ZNF486: variants seen among roughly 807,000 people sequenced by gnomAD.
ZNF486 encodes KRAB box only protein 2.
Under a neutral mutation model 12.8 loss-of-function variants are expected in ZNF486, and 12 were observed. The ratio of observed to expected loss-of-function variants is 0.94; its 90% CI spans 0.60 to 1.52. The LOEUF (loss-of-function observed/expected upper bound fraction) is 1.52. Ranked by LOEUF, ZNF486 falls within the 40% of genes most tolerant of loss-of-function variation. ZNF486 has a pLI of 0.00. For synonymous variants in ZNF486, 231 were observed against 184.9 expected (o/e 1.25, Z -2.02); for missense variants, 738 against 545.0 (o/e 1.35, Z -3.53).
chr19:20,167,963 T>C (rs1353351018), intron 1 of ZNF486, among the ~76,000 whole-genome samples: 1 of 152,194 alleles, frequency 6.6e-6, no homozygotes, highest in African/African-American at 2.4e-5. Context: ...TTTATCCTAT[T>C]TGGAAAAAGT....
intron 2 of ZNF486, among the ~76,000 whole-genome samples, chr19:20,185,530 C>A (rs1478893280): frequency 6.7e-6 from 1 of 149,942 alleles, no homozygotes; most frequent in Admixed American, 6.7e-5. Context: ...CCTGTCTGAG[C>A]CTCCTGAGTA....
intron 1 of ZNF486, chr19:20,175,284 C>T (rs951802611): frequency 6.7e-6 from 1 of 149,854 alleles, no homozygotes; most frequent in Non-Finnish European, 1.5e-5. Context: ...ATCATTTTAA[C>T]TTTTTTCTCT....
At position 20,186,091 on chromosome 19, in the gene ZNF486, G is replaced by A. The variant is rs929775062; in HGVS notation, c.253+9G>A. 2.4e-5 allele frequency: 37 copies of A among 1,570,374 alleles called. No homozygotes were observed. The highest frequency in any genetic ancestry group is 3.0e-5 in the Non-Finnish European group (35 of 1,162,834). On this transcript the variant is annotated intron_variant, in intron 3 of 3. Transcript: ENST00000335117. Reference sequence around the variant, plus strand: ...GATTGCCAAACCCCCAGGTAGGTGCGAATGAAAATGAACACAACAGACAAT... The same window carrying A: ...GATTGCCAAACCCCCAGGTAGGTGCAAATGAAAATGAACACAACAGACAAT...
chr19:20,197,174 A>C lies in ZNF486; in HGVS notation c.464A>C (p.Gln155Pro). The change falls in exon 4 of 4, where the codon CAA becomes CCA. Residue 155 changes from glutamine to proline, a missense_variant. Physicochemically the swap from Gln to Pro is moderately conservative, Grantham distance 76 (BLOSUM62 -1). Coordinates refer to ENST00000335117, the MANE Select transcript of ZNF486 (RefSeq NM_052852.4). ...CLTTTQSKIF[Q>P]CGKYVKVFHQ... ...ACAACTACCCAGAGCAAAATATTTCAATGTGGTAAATATGTGAAAGTCTTT... is the reference window on the plus strand; with the variant it reads ...ACAACTACCCAGAGCAAAATATTTCCATGTGGTAAATATGTGAAAGTCTTT... 6.2e-7 allele frequency: 1 copy of C among 1,613,820 alleles called. No individual in the cohort carries two copies. The highest frequency in any genetic ancestry group is 8.5e-7 in the Non-Finnish European group (1 of 1,179,916).
Position 20,197,503 on chromosome 19 carries a change from C to T in ZNF486, c.793C>T (p.Pro265Ser), listed in dbSNP as rs782450212. 1.9e-6 allele frequency: 3 copies of T among 1,609,406 alleles called. No individual in the cohort carries two copies. The highest frequency in any genetic ancestry group is 3.4e-5 in the Admixed American group (2 of 59,684). The change falls in exon 4 of 4, where the codon CCC becomes TCC. Residue 265 changes from proline to serine, a missense_variant. Pro to Ser is a moderately conservative substitution (Grantham distance 74). Coordinates refer to ENST00000335117, the MANE Select transcript of ZNF486 (RefSeq NM_052852.4). ...TAAGAAAATTCATAGTGGAGAGAAACCCTACATTTGTGAAGAATGTGGCAA... is the reference window on the plus strand; with the variant it reads ...TAAGAAAATTCATAGTGGAGAGAAATCCTACATTTGTGAAGAATGTGGCAA... ...THKKIHSGEK[P>S]YICEECGKAF... is the part of the protein sequence containing the mutation.
At chr19:20,172,846 T>A (rs2089664591) in intron 1 of ZNF486, among the ~76,000 whole-genome samples, 1 of 151,804 alleles carries the variant, frequency 6.6e-6, no homozygotes. Context: ...TTTCACCCTG[T>A]TGGTCAGGCT....
At chr19:20,176,379 G>C (rs1212231996) in intron 1 of ZNF486, 1 of 151,198 alleles carries the variant, frequency 6.6e-6, no homozygotes, top group Non-Finnish European at 1.3e-5. Context: ...CATCCCAGAC[G>C]ATGGGCGGCC....
chr19:20,181,450 A>T (rs2089784676), intron 1 of ZNF486, among the ~76,000 whole-genome samples: 1 of 151,598 alleles, frequency 6.6e-6, no homozygotes, highest in Non-Finnish European at 1.5e-5. Flanking sequence ...GAGGCAGGAG[A>T]ATGGCGTGAA....
At chr19:20,169,028 A>G (rs1303486653) in intron 1 of ZNF486, among the ~76,000 whole-genome samples, 1 of 150,922 alleles carries the variant, frequency 6.6e-6, no homozygotes, top group African/African-American at 2.4e-5. Context: ...TTTAGCAGAG[A>G]CGGGGTTTCA....
At chr19:20,195,434 T>G (rs1396161462) in intron 3 of ZNF486, among the ~76,000 whole-genome samples, 1 of 152,194 alleles carries the variant, frequency 6.6e-6, no homozygotes, top group East Asian at 1.9e-4. Context: ...TTCCAGTGTG[T>G]TGGGATTACA....
chr19:20,196,595 G>C (rs1402979792), intron 3 of ZNF486, among the ~76,000 whole-genome samples: 1 of 151,018 alleles, frequency 6.6e-6, no homozygotes, highest in African/African-American at 2.4e-5. Context: ...CTCCGAAAGT[G>C]CTGGTATTAC....
Position 20,197,298 on chromosome 19 carries a change from C to G in ZNF486, c.588C>G (p.Thr196=), listed in dbSNP as rs1555718170. 4 of 1,612,282 alleles carry G rather than the reference C, an allele frequency of 2.5e-6. No homozygotes were observed. The highest frequency in any genetic ancestry group is 1.1e-5 in the South Asian group (1 of 90,708). Residue 196 remains threonine, a synonymous_variant, in exon 4 of 4, where the codon ACC becomes ACG. Transcript: ENST00000335117. ...ACAAAGCTTTTAACCAGTCCTCAAC[C>G]CATACTACACATAAAAAAATTGATA... ...EGDKAFNQSS[T]HTTHKKIDTG... is the part of the protein sequence containing the mutation.
At chr19:20,184,711 T>C (rs2089823728) in intron 2 of ZNF486, among the ~76,000 whole-genome samples, 1 of 152,184 alleles carries the variant, frequency 6.6e-6, no homozygotes, top group African/African-American at 2.4e-5. Flanking sequence ...TCTAAATTAG[T>C]GGTAATTTCA....
At chr19:20,185,802 CAA>C (rs58776855) in intron 2 of ZNF486, among the ~76,000 whole-genome samples, 183 bp from the exon 3 acceptor site, 10,767 of 116,748 alleles carry the variant, frequency 0.092, 570 homozygotes, top group African/African-American at 0.18. Context: ...ACTCCATCTC[CAA>C]AAAAAAAAAA....
At chr19:20,174,889 C>T (rs1364248827) in intron 1 of ZNF486, 1 of 152,118 alleles carries the variant, frequency 6.6e-6, no homozygotes, top group African/African-American at 2.4e-5. Flanking sequence ...TGGTATGCTG[C>T]TATTACAGGA....
rs1353529659 is a variant in ZNF486, at chr19:20,176,386, G to A, written c.31-7970G>A. 29 of 158,484 alleles carry A rather than the reference G, an allele frequency of 1.8e-4. No individual in the cohort carries two copies. The South Asian group carries it at 2.0e-3, about 11-fold the overall frequency. The allele number at this position is 158,484 out of a possible 1,614,324, so 9.8% of individuals were successfully genotyped here. On this transcript the variant is annotated intron_variant, in intron 1 of 3. Coordinates refer to ENST00000335117, the MANE Select transcript of ZNF486 (RefSeq NM_052852.4). ...GCCCCTCACATCCCAGACGATGGGC[G>A]GCCAGGCAGAGACGCTCCTCACTTC... is the stretch of plus-strand genomic sequence containing the variant.
chr19:20,185,331 T>C (rs898510179), intron 2 of ZNF486, among the ~76,000 whole-genome samples: 11 of 152,004 alleles, frequency 7.2e-5, no homozygotes, highest in African/African-American at 2.7e-4. Flanking sequence ...CATATACTTG[T>C]ATGTTAATTT....
In ZNF486 at chr19:20,167,286, T is replaced by A. The variant is rs782462015; in HGVS notation, c.-45T>A. 3 of 1,612,180 alleles carry A rather than the reference T, an allele frequency of 1.9e-6. No homozygotes were observed. Among genetic ancestry groups the A allele is most frequent in the Admixed American group, 3.3e-5 (2 of 60,028 alleles). On this transcript the variant is annotated 5_prime_UTR_variant, in exon 1 of 4. Transcript: ENST00000335117. ...GTCCTCTGCTCCTAGAGGCCCACCC[T>A]CTGTGGCCCTGTGTCCTGTAGGTAT...
At chr19:20,195,103 C>T (rs2089944667) in intron 3 of ZNF486, among the ~76,000 whole-genome samples, 2 of 152,052 alleles carry the variant, frequency 1.3e-5, no homozygotes, top group Non-Finnish European at 2.9e-5. Flanking sequence ...AACTGCTGAC[C>T]TCAAATGATC....
Sources: allele counts gnomAD v4.1 joint callset (sites outside exome capture counted in the v4.1 genomes callset), GRCh38; gene constraint gnomAD v4.1.1; transcripts MANE v1.5; gene names NCBI Gene and HGNC (gene_info 2026-07-23, HGNC 2026-07-21).